The following SUGCT variants were observed in gnomAD, a reference collection of about 807,000 sequenced individuals.
SUGCT encodes succinyl-CoA:glutarate-CoA transferase, also known as succinyl-CoA:glutarate CoA-transferase.
A neutral mutation model predicts 55.0 loss-of-function variants in SUGCT; 41 were observed. That is an observed-to-expected ratio of 0.74 (90% CI 0.58 to 0.97). The LOEUF (loss-of-function observed/expected upper bound fraction) is 0.97, where lower values mean the gene tolerates loss of function less well. SUGCT is among the 50% of genes least tolerant of loss of function. The pLI is 0.00. For missense variants in SUGCT, 568 were observed against 547.8 expected, an observed-to-expected ratio of 1.04 and a Z score of -0.37; for synonymous variants, 187 against 200.4, an observed-to-expected ratio of 0.93 and a Z score of 0.56.
intron 8 of SUGCT, among the ~76,000 whole-genome samples, chr7:40,313,667 T>C (rs1322409686): frequency 6.6e-6 from 1 of 152,154 alleles, no homozygotes; most frequent in African/African-American, 2.4e-5. Flanking sequence ...TGAGACTCTG[T>C]TGCTGAGGCT....
At chr7:40,242,933 A>ATATATATATATATATATATATATTT (rs1270335224) in intron 7 of SUGCT, among the ~76,000 whole-genome samples, 1 of 17,212 alleles carries the variant, frequency 5.8e-5, no homozygotes, top group Non-Finnish European at 1.2e-4. Context: ...ATATATATAT[A>ATATATATATATATATATATATATTT]TTTTTTTTTT....
chr7:40,293,646 A>G (rs1301904842), intron 8 of SUGCT, among the ~76,000 whole-genome samples: 1 of 152,244 alleles, frequency 6.6e-6, no homozygotes, highest in Non-Finnish European at 1.5e-5. Context: ...AGCACCCCAG[A>G]TAACTCTGAT....
chr7:40,918,822 G>A, the SUGCT span, among the ~76,000 whole-genome samples: 1 of 152,170 alleles, frequency 6.6e-6, no homozygotes, highest in Non-Finnish European at 1.5e-5. Flanking sequence ...GAGTTCCTTA[G>A]AGTCTAAATT....
the SUGCT span, among the ~76,000 whole-genome samples, chr7:40,947,785 T>G: frequency 1.3e-5 from 2 of 152,222 alleles, no homozygotes; most frequent in East Asian, 3.8e-4. Flanking sequence ...AAATGCTTGT[T>G]TCCCTGCCAT....
intron 8 of SUGCT, among the ~76,000 whole-genome samples, chr7:40,312,582 T>C (rs945261018): frequency 9.2e-5 from 14 of 152,198 alleles, no homozygotes; most frequent in Non-Finnish European, 2.9e-5. Flanking sequence ...ACCTAGCTCG[T>C]TCTAGCTTTG....
chr7:40,702,472 A>G (rs1250706177), intron 12 of SUGCT, among the ~76,000 whole-genome samples: 2 of 152,202 alleles, frequency 1.3e-5, no homozygotes, highest in Non-Finnish European at 2.9e-5. Flanking sequence ...TAACAGCCAC[A>G]AATTACCTTC....
chr7:40,855,295 AAG>A (rs1456074376), intron 13 of SUGCT, among the ~76,000 whole-genome samples: 3 of 151,542 alleles, frequency 2.0e-5, no homozygotes, highest in Admixed American at 6.6e-5. Flanking sequence ...AAGAAAAGAA[AAG>A]AAAAATTTAT....
intron 12 of SUGCT, among the ~76,000 whole-genome samples, chr7:40,534,356 A>C (rs986664368): frequency 1.3e-5 from 2 of 152,182 alleles, no homozygotes; most frequent in African/African-American, 4.8e-5. Context: ...GAATTAGGAC[A>C]TATTTGTAAG....
chr7:40,953,725 C>G, the SUGCT span, among the ~76,000 whole-genome samples: 2 of 152,178 alleles, frequency 1.3e-5, no homozygotes, highest in Non-Finnish European at 2.9e-5. Flanking sequence ...CACTCCAGAC[C>G]CTGTTTGCCT....
At chr7:40,772,948 T>C (rs993904029) in intron 13 of SUGCT, among the ~76,000 whole-genome samples, 3 of 152,160 alleles carry the variant, frequency 2.0e-5, no homozygotes, top group Admixed American at 2.0e-4. Flanking sequence ...TTCCATGAAA[T>C]TCTTTATAAA....
At chr7:40,931,077 T>A in the SUGCT span, among the ~76,000 whole-genome samples, 1 of 152,202 alleles carries the variant, frequency 6.6e-6, no homozygotes, top group Non-Finnish European at 1.5e-5. Context: ...ATAGCTCTTA[T>A]TGTTTTGAGA....
intron 1 of SUGCT, among the ~76,000 whole-genome samples, chr7:40,168,539 C>A (rs564949953): frequency 6.6e-6 from 1 of 152,126 alleles, no homozygotes; most frequent in Non-Finnish European, 1.5e-5. Context: ...GTATGGCCTG[C>A]AGTGCAAAGT....
rs142324369 is a variant in SUGCT at position 40,838,631 on chromosome 7, T to TTTTGTTTGTTTG, written c.1154-21684_1154-21673dup. Among the ~76,000 whole-genome samples, 4 of 151,834 alleles carry TTTTGTTTGTTTG rather than the reference T, an allele frequency of 2.6e-5. 1 individual carries two copies. The East Asian group carries it at 7.9e-4, about 30-fold the overall frequency. On this transcript the variant is annotated intron_variant, in intron 13 of 13. Transcript: ENST00000335693. ...CCTAAGGCCTTCATTACATCTAGCG[T>TTTTGTTTGTTTG]TTTGTTTGTTTGCTTTATAGATTAC...
chr7:40,604,546 G>A (rs548817303), intron 12 of SUGCT, among the ~76,000 whole-genome samples: 7 of 152,058 alleles, frequency 4.6e-5, no homozygotes, highest in South Asian at 2.1e-4. Flanking sequence ...TGATCTTAAC[G>A]TTACACTTCC....
intron 9 of SUGCT, among the ~76,000 whole-genome samples, chr7:40,346,995 AGTAC>A (rs978691573): frequency 1.3e-5 from 2 of 152,202 alleles, no homozygotes; most frequent in Admixed American, 6.5e-5. Flanking sequence ...CAGCAGCCCA[AGTAC>A]ACTAACACAG....
At chr7:40,523,748 A>G (rs1243879940) in intron 12 of SUGCT, among the ~76,000 whole-genome samples, 1 of 152,128 alleles carries the variant, frequency 6.6e-6, no homozygotes, top group African/African-American at 2.4e-5. Flanking sequence ...ATCATTATCA[A>G]GATAAATCCC....
Position 40,567,461 on chromosome 7 carries a change from C to T in SUGCT, c.1089+71075C>T, listed in dbSNP as rs146859558. Among the ~76,000 whole-genome samples, 93 of 152,138 alleles carry T rather than the reference C, an allele frequency of 6.1e-4. 1 individual carries two copies. The highest frequency in any genetic ancestry group is 2.0e-3 in the African/African-American group (83 of 41,522). On this transcript the variant is annotated intron_variant, in intron 12 of 13. Transcript: ENST00000335693. ...TAAATGATTCAACACTATTCATTACCGCTCATTTTGGAACCATGCTGTAAT... is the reference window on the plus strand; with the variant it reads ...TAAATGATTCAACACTATTCATTACTGCTCATTTTGGAACCATGCTGTAAT...
rs547025225 is a variant in SUGCT, at chr7:40,672,187, T to A, written c.1090-77247T>A. Among the ~76,000 whole-genome samples, 4 of 152,214 alleles carry A rather than the reference T, an allele frequency of 2.6e-5. No homozygotes were observed. The South Asian group carries it at 8.3e-4, about 32-fold the overall frequency. On this transcript the variant is annotated intron_variant, in intron 12 of 13. Coordinates refer to ENST00000335693, the MANE Select transcript of SUGCT (RefSeq NM_001193313.2). ...CTAAGTTTCACATCCTATACAAAAA[T>A]TTACTCAAAATACATCACAAATTTT...
chr7:40,240,150 T>G (rs747145785), intron 7 of SUGCT, among the ~76,000 whole-genome samples: 1 of 152,176 alleles, frequency 6.6e-6, no homozygotes, highest in Non-Finnish European at 1.5e-5. Flanking sequence ...AAGATCTCCA[T>G]AAAGTGTGGT....
Sources: gnomAD v4.1 joint callset for allele counts (sites outside exome capture counted in the v4.1 genomes callset) on GRCh38, gnomAD v4.1.1 for gene constraint, MANE v1.5 for transcripts, NCBI Gene and HGNC (gene_info 2026-07-23, HGNC 2026-07-21) for gene names.